Variants in HECW2 observed in about 807,000 individuals in gnomAD.
HECW2 encodes E3 ubiquitin-protein ligase HECW2.
Under a neutral mutation model 175.2 loss-of-function variants are expected in HECW2, and 61 were observed. That is an observed-to-expected ratio of 0.35 (90% CI 0.28 to 0.43). HECW2 has a LOEUF of 0.43. HECW2 is among the 20% of genes least tolerant of loss of function. The pLI is 1.00. For synonymous variants in HECW2, 671 were observed against 731.0 expected, an observed-to-expected ratio of 0.92 and a Z score of 1.32; for missense variants, 1,524 against 2,000.5, an observed-to-expected ratio of 0.76 and a Z score of 4.54.
chr2:196,329,510 T>C, intron 5 of HECW2, 65 bp downstream of exon 5: 1 of 1,304,082 alleles, frequency 7.7e-7, no homozygotes, highest in Non-Finnish European at 1.1e-6. Flanking sequence ...CAGAAAGAAG[T>C]GACTATTCAT....
chr2:196,333,931 A>G (rs1429631435), intron 4 of HECW2, among the ~76,000 whole-genome samples: 1 of 152,166 alleles, frequency 6.6e-6, no homozygotes, highest in Non-Finnish European at 1.5e-5. Flanking sequence ...ATCTCTAGAC[A>G]CTAGATCCAA....
intron 1 of HECW2, among the ~76,000 whole-genome samples, chr2:196,451,861 T>TG (rs1393769608): frequency 6.6e-6 from 1 of 152,228 alleles, no homozygotes; most frequent in Admixed American, 6.5e-5. Context: ...ATCACACCGC[T>TG]GCACTCCAGC....
intron 10 of HECW2, among the ~76,000 whole-genome samples, chr2:196,311,288 G>A (rs912204905): frequency 6.6e-6 from 1 of 152,180 alleles, no homozygotes; most frequent in African/African-American, 2.4e-5. Context: ...AGATTCCTAT[G>A]ATGCACCCCA....
chr2:196,404,081 T>C (rs79164173), intron 2 of HECW2, among the ~76,000 whole-genome samples: 140 of 152,294 alleles, frequency 9.2e-4, no homozygotes, highest in African/African-American at 3.2e-3. Context: ...TTTTACTAAA[T>C]GCAATTGAGT....
At position 196,319,793 on chromosome 2, in the gene HECW2, A is replaced by G; in HGVS notation, c.1097T>C (p.Val366Ala). 1 of 1,614,162 alleles carries G rather than the reference A, an allele frequency of 6.2e-7. No homozygotes were observed. The highest frequency in any genetic ancestry group is 8.5e-7 in the Non-Finnish European group (1 of 1,180,022). The change falls in exon 9 of 29, where the codon GTG (valine) becomes GCG (alanine). Residue 366 changes from valine (V) to alanine (A), a missense_variant. Physicochemically the swap from Val to Ala is moderately conservative, Grantham distance 64. This residue lies in a region of HECW2 where 604 missense variants were observed against 588.3 expected (regional missense o/e 1.03). Transcript: ENST00000644978. ...CTCAGAAACTGGCCCATTAGAGCAC[A>G]CCTGGCTGTCGTGATGGCTCCCTGG... ...DMPGSHHDSQ[V>A]CSNGPVSEDS...
intron 1 of HECW2, among the ~76,000 whole-genome samples, chr2:196,518,277 A>C (rs1688220228): frequency 2.0e-5 from 3 of 152,194 alleles, no homozygotes; most frequent in African/African-American, 7.2e-5. Flanking sequence ...ATGTTATGAG[A>C]AATGGGATGC....
chr2:196,451,654 C>G (rs931458728), intron 1 of HECW2, among the ~76,000 whole-genome samples: 5 of 152,092 alleles, frequency 3.3e-5, no homozygotes, highest in Admixed American at 2.6e-4. Flanking sequence ...AATCCAACCA[C>G]TTTGGGAGGC....
At chr2:196,463,083 G>A (rs760090448) in intron 1 of HECW2, among the ~76,000 whole-genome samples, 8 of 152,200 alleles carry the variant, frequency 5.3e-5, no homozygotes, top group Non-Finnish European at 1.2e-4. Flanking sequence ...TTAGTCATAG[G>A]GACATCCAAT....
In HECW2 at chr2:196,362,056, GA is replaced by G; in HGVS notation, c.293-18293del. ...CTCTTCCTCTTCCCCCAAAGTTCTA[GA>G]AATGAAATACTAGACAGGATTCCGG... On this transcript the variant is annotated intron_variant, in intron 2 of 28. Transcript: ENST00000644978. The G allele has an allele frequency of 5.1e-6, 5 of 985,338 alleles. No individual in the cohort carries two copies. In the South Asian group the frequency reaches 2.3e-4, roughly 46 times the overall value. The allele number at this position is 985,338 out of a possible 1,614,324, so 61.0% of individuals were successfully genotyped here.
At chr2:196,257,278 G>A (rs758383152) in intron 18 of HECW2, among the ~76,000 whole-genome samples, 25 of 122,938 alleles carry the variant, frequency 2.0e-4, no homozygotes, top group Non-Finnish European at 3.9e-4. Flanking sequence ...ATTGGAGGGT[G>A]AGGGGCGGGG....
chr2:196,576,579 C>T (rs537600241), intron 1 of HECW2, among the ~76,000 whole-genome samples: 3 of 152,096 alleles, frequency 2.0e-5, no homozygotes, highest in Non-Finnish European at 4.4e-5. Context: ...GGGATATATT[C>T]GTCAAACATA....
intron 1 of HECW2, among the ~76,000 whole-genome samples, chr2:196,548,154 C>A (rs1309503007): frequency 6.6e-6 from 1 of 151,542 alleles, no homozygotes; most frequent in Non-Finnish European, 1.5e-5. Flanking sequence ...ATATAGAAAC[C>A]CTATCTCTAC....
chr2:196,502,786 C>T lies in HECW2; in HGVS notation c.-35-69328G>A, dbSNP rs182429217. ...TGGGACAGGCATGCTCTTCACCCAG[C>T]CTTGCTCTTCCCAATACCACCAGGC... is the stretch of plus-strand genomic sequence containing the variant. On this transcript the variant is annotated intron_variant, in intron 1 of 28. Coordinates refer to ENST00000644978, the MANE Select transcript of HECW2 (RefSeq NM_001348768.2). Among the ~76,000 whole-genome samples, 595 of 152,320 alleles carry T rather than the reference C, an allele frequency of 3.9e-3. 4 individuals are homozygous for T. Among genetic ancestry groups the T allele is most frequent in the African/African-American group, 0.013 (557 of 41,552 alleles).
At chr2:196,497,266 G>A (rs1687426280) in intron 1 of HECW2, among the ~76,000 whole-genome samples, 1 of 152,118 alleles carries the variant, frequency 6.6e-6, no homozygotes, top group African/African-American at 2.4e-5. Context: ...TAGTTTGTAC[G>A]ACTTTGATTC....
At chr2:196,283,452 T>A (rs1356492027) in intron 14 of HECW2, among the ~76,000 whole-genome samples, 3 of 150,356 alleles carry the variant, frequency 2.0e-5, no homozygotes, top group Non-Finnish European at 4.4e-5. Flanking sequence ...CTTGGCTCCC[T>A]GCAACCTCTG....
intron 1 of HECW2, among the ~76,000 whole-genome samples, chr2:196,480,801 T>C (rs564648771): frequency 5.3e-5 from 8 of 152,362 alleles, no homozygotes; most frequent in African/African-American, 1.4e-4. Flanking sequence ...ATCCTTTCTA[T>C]TGTCTACTGG....
intron 2 of HECW2, among the ~76,000 whole-genome samples, chr2:196,391,079 CAACAGGGAGCACCAGCAAGAGACAGGA>C (rs1204674580): frequency 3.3e-5 from 5 of 152,132 alleles, no homozygotes; most frequent in Non-Finnish European, 7.4e-5. Context: ...TGGATTTAGT[CAACAGGGAGCACCAGCAAGAGACAGGA>C]GGCAGGGAGG....
Position 196,531,661 on chromosome 2 carries a change from C to CAAAAAAA in HECW2, c.-36+61840_-36+61846dup, listed in dbSNP as rs1168825418. Among the ~76,000 whole-genome samples, 3 of 100,106 alleles carry CAAAAAAA rather than the reference C, an allele frequency of 3.0e-5. No homozygotes were observed. In the South Asian group the frequency reaches 9.4e-4, roughly 31 times the overall value. 65.7% of individuals were successfully genotyped at this position (100,106 alleles called of 152,430 possible). A position where few individuals can be genotyped will look rare whatever the true frequency, so the allele number is the denominator to read the frequency against. ...CAGGCAACAGTGTGAGACTCTGTCT[C>CAAAAAAA]AAAAAAAAAACAAAAAAAAAAGTTT... is the stretch of plus-strand genomic sequence containing the variant. On this transcript the variant is annotated intron_variant, in intron 1 of 28. Transcript: ENST00000644978.
chr2:196,305,455 A>C (rs1213526059), intron 13 of HECW2, among the ~76,000 whole-genome samples: 2 of 152,172 alleles, frequency 1.3e-5, no homozygotes, highest in Non-Finnish European at 2.9e-5. Context: ...AATATGTATT[A>C]ATATATACTA....
Sources: allele counts gnomAD v4.1 joint callset (sites outside exome capture counted in the v4.1 genomes callset), GRCh38; gene constraint gnomAD v4.1.1; regional missense constraint gnomAD v4.1.1; transcripts MANE v1.5; gene names NCBI Gene and HGNC (gene_info 2026-07-23, HGNC 2026-07-21).